The following PUM1 variants were observed in gnomAD, a reference collection of about 807,000 sequenced individuals.
PUM1 encodes pumilio homolog 1.
In PUM1, 13 loss-of-function variants were observed where a neutral mutation model predicts 131.8. The observed-to-expected ratio is 0.10, with a 90% CI of 0.06 to 0.16. PUM1 has a LOEUF of 0.16. Ranked by LOEUF, PUM1 falls within the 10% of genes least tolerant of loss-of-function variation. PUM1 has a pLI of 1.00. For synonymous variants in PUM1, 509 were observed against 556.5 expected (o/e 0.91, Z 1.20); for missense variants, 961 against 1,512.4 (o/e 0.64, Z 6.05).
chr1:30,975,900 T>A (rs1048759161), intron 9 of PUM1, among the ~76,000 whole-genome samples: 2 of 151,794 alleles, frequency 1.3e-5, no homozygotes, highest in African/African-American at 4.8e-5. Flanking sequence ...CTGGCCAACA[T>A]GGTGAAACCC....
rs543737709 is a variant in PUM1 at position 30,939,389 on chromosome 1, G to GC, written c.3242+1761dup. 4.3e-3 allele frequency among the ~76,000 whole-genome samples: 662 copies of GC among 152,200 alleles called. 3 individuals carry two copies. The highest frequency in any genetic ancestry group is 0.015 in the African/African-American group (613 of 41,528). On this transcript the variant is annotated intron_variant, in intron 20 of 21. Transcript: ENST00000426105. The stretch of plus-strand genomic sequence containing the variant: ...GGACTTGGGGGAAGGTTAAAACTGG[G>GC]CCCCCCCGAACCCCTTCCGGCTCTC...
intron 2 of PUM1, among the ~76,000 whole-genome samples, chr1:31,035,504 C>T (rs1643578451): frequency 6.6e-6 from 1 of 152,154 alleles, no homozygotes; most frequent in Non-Finnish European, 1.5e-5. Context: ...ATAATCCCAG[C>T]ACTTTCGGAG....
At position 30,933,195 on chromosome 1, in the gene PUM1, A is replaced by G. The variant is rs768713943; in HGVS notation, c.*16T>C. 1 of 1,601,182 alleles carries G rather than the reference A, an allele frequency of 6.2e-7. No individual in the cohort carries two copies. The highest frequency in any genetic ancestry group is 8.5e-7 in the Non-Finnish European group (1 of 1,173,554). On this transcript the variant is annotated 3_prime_UTR_variant, in exon 22 of 22. Transcript: ENST00000426105. The stretch of plus-strand genomic sequence containing the variant: ...GTGAGGTCAGCGGGAATGAGGGAAC[A>G]GCGGGTGACACTGCCTCAGATGATA...
intron 2 of PUM1, among the ~76,000 whole-genome samples, chr1:31,040,376 T>G (rs1264322355): frequency 6.6e-6 from 1 of 151,654 alleles, no homozygotes; most frequent in Non-Finnish European, 1.5e-5. Flanking sequence ...AAAGTGGGAG[T>G]AAAGGAGTAC....
intron 2 of PUM1, among the ~76,000 whole-genome samples, chr1:31,056,604 CTTTTCTTTTTTTTTTT>C (rs1644244387): frequency 1.3e-5 from 1 of 79,638 alleles, no homozygotes; most frequent in African/African-American, 4.0e-5. Flanking sequence ...CCTTCCTTTT[CTTTTCTTTTTTTTTTT>C]TTTTTTTTTT....
At chr1:31,001,102 T>C (rs1159013342) in intron 5 of PUM1, among the ~76,000 whole-genome samples, 1 of 152,142 alleles carries the variant, frequency 6.6e-6, no homozygotes, top group Non-Finnish European at 1.5e-5. Context: ...CAGAATGGCA[T>C]GAACCCGGGA....
chr1:30,941,421 G>T, intron 19 of PUM1, 149 bp from the exon 20 acceptor site: 2 of 730,284 alleles, frequency 2.7e-6, no homozygotes, highest in Non-Finnish European at 4.2e-6. Flanking sequence ...TTTAAGACAG[G>T]TAGTAACGTT....
At chr1:30,978,660 A>C (rs1641236656) in intron 9 of PUM1, among the ~76,000 whole-genome samples, 1 of 152,236 alleles carries the variant, frequency 6.6e-6, no homozygotes, top group African/African-American at 2.4e-5. Context: ...GTGAATATCT[A>C]AACTGGAAGA....
chr1:31,035,435 A>G (rs563391368), intron 2 of PUM1, among the ~76,000 whole-genome samples: 2 of 151,952 alleles, frequency 1.3e-5, no homozygotes, highest in East Asian at 1.9e-4. Context: ...AACACAGATA[A>G]TATTATTCCC....
chr1:31,007,453 C>A (rs1642434997), intron 3 of PUM1, among the ~76,000 whole-genome samples: 1 of 152,148 alleles, frequency 6.6e-6, no homozygotes, highest in South Asian at 2.1e-4. Context: ...TGGACTCTTA[C>A]TGAAAAAGAA....
chr1:30,981,664 A>G (rs1641360444), intron 7 of PUM1, among the ~76,000 whole-genome samples: 1 of 107,398 alleles, frequency 9.3e-6, no homozygotes, highest in Middle Eastern at 3.9e-3. Flanking sequence ...CCCCTGAACC[A>G]CAAATACACA....
intron 10 of PUM1, among the ~76,000 whole-genome samples, chr1:30,968,764 T>A (rs572716544): frequency 6.6e-6 from 1 of 152,212 alleles, no homozygotes; most frequent in Non-Finnish European, 1.5e-5. Context: ...TTTTATCTCA[T>A]CTGCCTCATA....
At chr1:30,950,926 C>T (rs559793848) in intron 16 of PUM1, among the ~76,000 whole-genome samples, 37 of 152,152 alleles carry the variant, frequency 2.4e-4, no homozygotes, top group Non-Finnish European at 4.7e-4. Flanking sequence ...AAATAGTATT[C>T]TACATCATTA....
chr1:31,054,712 T>G (rs1002122760), intron 2 of PUM1, among the ~76,000 whole-genome samples: 1 of 152,176 alleles, frequency 6.6e-6, no homozygotes, highest in African/African-American at 2.4e-5. Flanking sequence ...CCATTACTGC[T>G]TTTGGGAGTT....
chr1:31,035,587 A>T (rs1643581895), intron 2 of PUM1, among the ~76,000 whole-genome samples: 1 of 151,930 alleles, frequency 6.6e-6, no homozygotes, highest in Non-Finnish European at 1.5e-5. Flanking sequence ...CACCGTCTCT[A>T]CTAAAAATAC....
chr1:31,040,253 C>T (rs532954537), intron 2 of PUM1, among the ~76,000 whole-genome samples: 3 of 152,092 alleles, frequency 2.0e-5, no homozygotes, highest in South Asian at 2.1e-4. Flanking sequence ...TTCCTAGCAC[C>T]GGATGTTAAG....
chr1:30,990,430 T>C (rs543692574), intron 7 of PUM1, among the ~76,000 whole-genome samples: 1 of 152,298 alleles, frequency 6.6e-6, no homozygotes, highest in Non-Finnish European at 1.5e-5. Flanking sequence ...AAGGTGACAG[T>C]ACTGAACCTT....
chr1:30,952,149 G>T, intron 16 of PUM1, 85 bp downstream of exon 16: 2 of 1,335,534 alleles, frequency 1.5e-6, no homozygotes, highest in Non-Finnish European at 1.1e-6. Flanking sequence ...ACTGGAATGG[G>T]ACTGCTATGC....
intron 9 of PUM1, among the ~76,000 whole-genome samples, chr1:30,978,732 C>G (rs545677917): frequency 1.3e-5 from 2 of 152,128 alleles, no homozygotes; most frequent in African/African-American, 4.8e-5. Context: ...ATCACGGTGA[C>G]GGTAACTGTG....
Sources: allele counts gnomAD v4.1 joint callset (sites outside exome capture counted in the v4.1 genomes callset), GRCh38; gene constraint gnomAD v4.1.1; transcripts MANE v1.5; gene names NCBI Gene and HGNC (gene_info 2026-07-23, HGNC 2026-07-21).